Variants in TRPV3 observed in about 807,000 individuals in gnomAD.
TRPV3 encodes the protein transient receptor potential cation channel subfamily V member 3, also known as VRL-3.
In TRPV3, 88 loss-of-function variants were observed where a neutral mutation model predicts 87.1. The ratio of observed to expected loss-of-function variants is 1.01; its 90% CI spans 0.85 to 1.21. The LOEUF is 1.21. Among genes scored for constraint, TRPV3 ranks in the 50% most tolerant of loss-of-function variants. The pLI, the probability that TRPV3 is intolerant of heterozygous loss-of-function variation, is 0.00. For missense variants in TRPV3, 1,054 were observed against 1,030.1 expected, an observed-to-expected ratio of 1.02 and a Z score of -0.32; for synonymous variants, 438 against 423.3, an observed-to-expected ratio of 1.03 and a Z score of -0.43.
intron 14 of TRPV3, among the ~76,000 whole-genome samples, chr17:3,519,479 T>C (rs957553493): frequency 1.4e-5 from 2 of 142,850 alleles, no homozygotes; most frequent in African/African-American, 2.7e-5. Context: ...GATGGATAGA[T>C]GATTGGATGG....
intron 6 of TRPV3, among the ~76,000 whole-genome samples, chr17:3,536,736 T>C (rs149218784): frequency 3.3e-5 from 5 of 152,102 alleles, no homozygotes; most frequent in Non-Finnish European, 7.4e-5. Flanking sequence ...GTGTCTCAGG[T>C]AAGATCTAGG....
At position 3,514,825 on chromosome 17, in the gene TRPV3, AGTT is replaced by A. The variant is rs10579788; in HGVS notation, c.2199-156_2199-154del. Among the ~76,000 whole-genome samples the A allele has an allele frequency of 0.63, 95,590 of 151,440 alleles. 30,644 individuals carry two copies. Among genetic ancestry groups the A allele is most frequent in the African/African-American group, 0.72 (29,789 of 41,272 alleles). On this transcript the variant is annotated intron_variant, in intron 16 of 17. Coordinates refer to ENST00000576742, the MANE Select transcript of TRPV3 (RefSeq NM_145068.4). ...CCCCTGACCCGAGGGGTCACACCAA[AGTT>A]GTTGGAGTTTGAACTCTATCCCCAT... is the stretch of plus-strand genomic sequence containing the variant.
chr17:3,542,364 A>C (rs1432743873), intron 6 of TRPV3, among the ~76,000 whole-genome samples, 158 bp downstream of exon 6: 1 of 152,228 alleles, frequency 6.6e-6, no homozygotes, highest in Non-Finnish European at 1.5e-5. Flanking sequence ...GAAGGAAGAA[A>C]GAGAGGGTTG....
Position 3,545,912 on chromosome 17 carries a change from C to G in TRPV3, c.120-641G>C, listed in dbSNP as rs200367871. On this transcript the variant is annotated intron_variant, in intron 2 of 17. Coordinates refer to ENST00000576742, the MANE Select transcript of TRPV3 (RefSeq NM_145068.4). ...GGCTGAGACAGGAGAATTGCTTGAA[C>G]CTGGGAGGTGGAGGCTGCAGTGAGC... Among the ~76,000 whole-genome samples, 24 of 149,192 alleles carry G rather than the reference C, an allele frequency of 1.6e-4. No individual in the cohort carries two copies. In the East Asian group the frequency reaches 4.7e-3, roughly 30 times the overall value.
intron 17 of TRPV3, 35 bp from the exon 18 acceptor site, chr17:3,514,046 A>ATATTT: frequency 6.7e-7 from 1 of 1,495,274 alleles, no homozygotes; most frequent in Non-Finnish European, 9.2e-7. Flanking sequence ...TTAGAAATAT[A>ATATTT]TCACTCTGCA....
At position 3,545,120 on chromosome 17, in the gene TRPV3, T is replaced by G. The variant is rs769814144; in HGVS notation, c.224+47A>C. 2.1e-6 allele frequency: 3 copies of G among 1,429,582 alleles called. No individual in the cohort carries two copies. The South Asian group carries it at 3.6e-5, about 17-fold the overall frequency. The allele number at this position is 1,429,582 out of a possible 1,614,324, so 88.6% of individuals were successfully genotyped here. ...CAAGTCACTGGCCACATGCTGGAGC[T>G]GAGGGCTGGGCCCAGGGCAAGGGGT... On this transcript the variant is annotated intron_variant, in intron 3 of 17. Coordinates refer to ENST00000576742, the MANE Select transcript of TRPV3 (RefSeq NM_145068.4).
rs1015778738 is a variant in TRPV3 at position 3,529,931 on chromosome 17, G to A, written c.1242+96C>T. The A allele has an allele frequency of 1.3e-5, 18 of 1,401,550 alleles. No homozygotes were observed. The Admixed American group carries it at 3.2e-4, about 25-fold the overall frequency. The allele number at this position is 1,401,550 out of a possible 1,614,324, so 86.8% of individuals were successfully genotyped here. On this transcript the variant is annotated intron_variant, in intron 9 of 17. Coordinates refer to ENST00000576742, the MANE Select transcript of TRPV3 (RefSeq NM_145068.4). ...GGGTATGCAGATGCCGAGGGATGGA[G>A]CTGGCAGCACTGGGTCTTCCCAGCG...
In TRPV3 at chr17:3,545,221, G is replaced by A. The variant is rs1197384684; in HGVS notation, c.170C>T (p.Ala57Val). 6.2e-7 allele frequency: 1 copy of A among 1,613,896 alleles called. No individual in the cohort carries two copies. The highest frequency in any genetic ancestry group is 8.5e-7 in the Non-Finnish European group (1 of 1,179,940). ...IEGFEPNPTV[A>V]KTSPPVFSKP... is the part of the protein sequence containing the mutation. ...GGAGAAGACAGGAGGAGAGGTCTTGGCAACTGTGGGGTTGGGTTCAAACCC... is the reference window on the plus strand; with the variant it reads ...GGAGAAGACAGGAGGAGAGGTCTTGACAACTGTGGGGTTGGGTTCAAACCC... The change falls in exon 3 of 18, where the codon GCC (alanine) becomes GTC (valine). Residue 57 changes from alanine to valine, a missense_variant. Physicochemically the swap from Ala to Val is moderately conservative, Grantham distance 64 (BLOSUM62 0). Transcript: ENST00000576742.
chr17:3,524,071 G>T, intron 13 of TRPV3, 127 bp downstream of exon 13: 1 of 1,247,480 alleles, frequency 8.0e-7, no homozygotes, highest in Non-Finnish European at 1.1e-6. Context: ...GGGAGTGCAT[G>T]GCATTTGGGA....
chr17:3,515,429 G>C (rs986906045), intron 16 of TRPV3, among the ~76,000 whole-genome samples: 1 of 152,154 alleles, frequency 6.6e-6, no homozygotes, highest in East Asian at 1.9e-4. Context: ...GGGAGGCCGA[G>C]GGGGGTGGAT....
rs1226378143 is a variant in TRPV3 at position 3,518,891 on chromosome 17, T to C, written c.1811-41A>G. On this transcript the variant is annotated intron_variant, in intron 14 of 17. Transcript: ENST00000576742. This position sits in a 1 kb window ranked among gnomAD's most constrained non-coding sequence, Gnocchi z 4.3. ...AGGGTGCTCTCCTCAGCTCTCTGCC[T>C]GGTAATTACTCTACAAGCTTGCGTG... The C allele has an allele frequency of 2.5e-6, 4 of 1,583,252 alleles. No individual in the cohort carries two copies. The African/African-American group carries it at 4.0e-5, about 16-fold the overall frequency.
chr17:3,523,907 TAC>T (rs111416025), intron 13 of TRPV3, among the ~76,000 whole-genome samples: 10 of 149,804 alleles, frequency 6.7e-5, no homozygotes, highest in Admixed American at 3.3e-4. Context: ...CACACACACA[TAC>T]ACACACACAC....
intron 15 of TRPV3, among the ~76,000 whole-genome samples, chr17:3,517,027 C>T (rs138435354): frequency 0.011 from 1,725 of 152,326 alleles, 33 homozygotes; most frequent in African/African-American, 0.04. Context: ...CGCCTATAAT[C>T]CCAGCTACTC....
chr17:3,542,419 A>G (rs967312004), intron 6 of TRPV3, 103 bp downstream of exon 6: 8 of 1,346,318 alleles, frequency 5.9e-6, no homozygotes, highest in Admixed American at 2.5e-5. Flanking sequence ...GGGCTCCTCA[A>G]TGGCAGCAGT....
chr17:3,518,987 C>T lies in TRPV3; in HGVS notation c.1811-137G>A, dbSNP rs2074208689. ...TAAATCCCATCTCCAGTTTCAGGTC[C>T]TCTCAAAGCCTCATCAGGCTGGCTT... On this transcript the variant is annotated intron_variant, in intron 14 of 17. Coordinates refer to ENST00000576742, the MANE Select transcript of TRPV3 (RefSeq NM_145068.4). The surrounding 1 kb of genome is among the most constrained non-coding windows in gnomAD (Gnocchi z 4.3). 8 of 967,150 alleles carry T rather than the reference C, an allele frequency of 8.3e-6. No individual in the cohort carries two copies. Among genetic ancestry groups the T allele is most frequent in the Non-Finnish European group, 1.2e-5 (8 of 670,932 alleles). 59.9% of individuals were successfully genotyped at this position (967,150 alleles called of 1,614,324 possible).
rs2074215470 is a variant in TRPV3, at chr17:3,519,436, G to GGATGGATGGATAGATGATTA, written c.1811-587_1811-586insTAATCATCTATCCATCCATC. On this transcript the variant is annotated intron_variant, in intron 14 of 17. Coordinates refer to ENST00000576742, the MANE Select transcript of TRPV3 (RefSeq NM_145068.4). ...TGGATGGATGATTGGATGGATGGAT[G>GGATGGATGGATAGATGATTA]GATGGATGGATGGATAGATGATTAG... Among the ~76,000 whole-genome samples, 4 of 103,800 alleles carry GGATGGATGGATAGATGATTA rather than the reference G, an allele frequency of 3.9e-5. No homozygotes were observed. The South Asian group carries it at 1.0e-3, about 27-fold the overall frequency. 68.1% of individuals were successfully genotyped at this position (103,800 alleles called of 152,430 possible).
At chr17:3,524,492 G>C in intron 12 of TRPV3, 129 bp from the exon 13 acceptor site, 1 of 1,134,516 alleles carries the variant, frequency 8.8e-7, no homozygotes, top group Non-Finnish European at 1.2e-6. Flanking sequence ...GAAGAGACCA[G>C]AATCACGCTG....
At chr17:3,514,888 C>T (rs2074163093) in intron 16 of TRPV3, among the ~76,000 whole-genome samples, 1 of 152,162 alleles carries the variant, frequency 6.6e-6, no homozygotes, top group Non-Finnish European at 1.5e-5. Context: ...ATCAGTTCTC[C>T]TTCCATTGTA....
chr17:3,540,408 A>G (rs1015951352), intron 6 of TRPV3, among the ~76,000 whole-genome samples: 3 of 152,312 alleles, frequency 2.0e-5, no homozygotes, highest in Non-Finnish European at 2.9e-5. Context: ...AGGTGCCCAC[A>G]GCCTCCCAGA....
Sources: gnomAD v4.1 joint callset for allele counts (sites outside exome capture counted in the v4.1 genomes callset) on GRCh38, gnomAD v4.1.1 for gene constraint, Gnocchi (gnomAD v3.1) non-coding constraint, MANE v1.5 for transcripts, NCBI Gene and HGNC (gene_info 2026-07-23, HGNC 2026-07-21) for gene names.